ANO2: variants seen among roughly 807,000 people sequenced by gnomAD.
The protein encoded by ANO2 is anoctamin 2, also known as anoctamin-2.
In ANO2, 101 loss-of-function variants were observed where a neutral mutation model predicts 124.2. The ratio of observed to expected loss-of-function variants is 0.81; its 90% CI spans 0.69 to 0.96. The LOEUF is 0.96. Among genes scored for constraint, ANO2 ranks in the 40% least tolerant of loss-of-function variants. The pLI is 0.00. For synonymous variants in ANO2, 486 were observed against 482.5 expected (o/e 1.01, Z -0.09); for missense variants, 1,293 against 1,274.5 (o/e 1.01, Z -0.22).
chr12:5,877,575 T>A (rs1334557614), intron 3 of ANO2, among the ~76,000 whole-genome samples: 1 of 152,184 alleles, frequency 6.6e-6, no homozygotes, highest in Admixed American at 6.5e-5. Context: ...AATTATGTGA[T>A]CTTGGGCAAG....
At chr12:5,749,101 A>T (rs1471640803) in intron 11 of ANO2, among the ~76,000 whole-genome samples, 1 of 152,216 alleles carries the variant, frequency 6.6e-6, no homozygotes, top group Non-Finnish European at 1.5e-5. Context: ...TTGTGAGACC[A>T]TTTCTATAGA....
Position 5,563,344 on chromosome 12 carries a change from C to A in ANO2, c.2952G>T (p.Gln984His). The A allele has an allele frequency of 6.2e-7, 1 of 1,604,428 alleles. No homozygotes were observed. The highest frequency in any genetic ancestry group is 8.5e-7 in the Non-Finnish European group (1 of 1,176,846). Residue 984 changes from glutamine (Q) to histidine (H), a missense_variant, in exon 25 of 25, where the codon CAG (glutamine) becomes CAT (histidine). Physicochemically the swap from Gln to His is conservative, Grantham distance 24. Coordinates refer to ENST00000682330, the MANE Select transcript of ANO2 (RefSeq NM_001364791.2). ...AASSAPSGQSQLGSMMSSGSQ... is the reference protein window; with the variant it reads ...AASSAPSGQSHLGSMMSSGSQ... The stretch of plus-strand genomic sequence containing the variant: ...AGCCTGACGACATCATGCTGCCCAG[C>A]TGGCTTTGGCCTGAAGGTGCTGAGC...
At chr12:5,884,807 A>C (rs1415806735) in intron 3 of ANO2, among the ~76,000 whole-genome samples, 2 of 151,874 alleles carry the variant, frequency 1.3e-5, no homozygotes, top group Non-Finnish European at 1.5e-5. Flanking sequence ...AGGCAAACCC[A>C]CTCTCCTCCC....
chr12:5,597,899 G>A (rs368924468), intron 20 of ANO2, among the ~76,000 whole-genome samples: 4 of 152,294 alleles, frequency 2.6e-5, no homozygotes, highest in African/African-American at 9.6e-5. Flanking sequence ...GGCATAAAGG[G>A]GCTACACGTT....
chr12:5,590,594 A>G (rs1326037493), intron 20 of ANO2, among the ~76,000 whole-genome samples: 1 of 152,152 alleles, frequency 6.6e-6, no homozygotes, highest in Non-Finnish European at 1.5e-5. Context: ...TAAGCGGGAG[A>G]AGAGCCTCCT....
intron 1 of ANO2, among the ~76,000 whole-genome samples, chr12:5,939,052 A>G (rs908451256): frequency 6.6e-6 from 1 of 151,376 alleles, no homozygotes; most frequent in Admixed American, 6.6e-5. Context: ...CCCCGTCTCT[A>G]CTAAAAATAC....
chr12:5,757,517 T>C (rs972873488), intron 10 of ANO2, among the ~76,000 whole-genome samples: 6 of 152,154 alleles, frequency 3.9e-5, no homozygotes, highest in African/African-American at 1.4e-4. Flanking sequence ...AAGAGGGAAA[T>C]GAGAGCTCTG....
chr12:5,694,701 T>G (rs1949095894), intron 14 of ANO2, among the ~76,000 whole-genome samples: 1 of 152,174 alleles, frequency 6.6e-6, no homozygotes, highest in South Asian at 2.1e-4. Flanking sequence ...AAGTTTGCAG[T>G]GGAGCAAAGG....
chr12:5,858,108 G>C (rs1456769350), intron 3 of ANO2, among the ~76,000 whole-genome samples: 1 of 152,222 alleles, frequency 6.6e-6, no homozygotes, highest in East Asian at 1.9e-4. Context: ...CCAGTGTTCT[G>C]CAGCACTGCA....
At chr12:5,600,805 T>C (rs1943903820) in intron 19 of ANO2, among the ~76,000 whole-genome samples, 2 of 152,236 alleles carry the variant, frequency 1.3e-5, no homozygotes, top group South Asian at 2.1e-4. Context: ...TTGAAGTCCA[T>C]GCTTCATCTG....
intron 14 of ANO2, among the ~76,000 whole-genome samples, chr12:5,668,938 G>C (rs1947863406): frequency 6.6e-6 from 1 of 152,088 alleles, no homozygotes. Context: ...ATGGCGTTTT[G>C]GTTACTGTAG....
At chr12:5,663,306 G>A (rs991213292) in intron 14 of ANO2, among the ~76,000 whole-genome samples, 2 of 152,220 alleles carry the variant, frequency 1.3e-5, no homozygotes, top group African/African-American at 2.4e-5. Context: ...GAGGAAAAGC[G>A]GAGCCAAACA....
Position 5,769,765 on chromosome 12 carries a change from G to A in ANO2, c.1056-18795C>T, listed in dbSNP as rs1459631735. ...AGGTACTCTGCTGAATGTTTTGCAC[G>A]CATGATCCCTTAGGATCCTCACAAG... On this transcript the variant is annotated intron_variant, in intron 10 of 24. Coordinates refer to ENST00000682330, the MANE Select transcript of ANO2 (RefSeq NM_001364791.2). This position sits in a 1 kb window ranked among gnomAD's most constrained non-coding sequence, Gnocchi z 4.0. Among the ~76,000 whole-genome samples, 2 of 152,144 alleles carry A rather than the reference G, an allele frequency of 1.3e-5. No individual in the cohort carries two copies. Among genetic ancestry groups the A allele is most frequent in the South Asian group, 2.1e-4 (1 of 4,824 alleles).
At chr12:5,776,476 C>G (rs1018873919) in intron 10 of ANO2, among the ~76,000 whole-genome samples, 2 of 152,202 alleles carry the variant, frequency 1.3e-5, no homozygotes, top group Admixed American at 1.3e-4. Flanking sequence ...TTTCCAAGCA[C>G]TTGACAAATG....
intron 14 of ANO2, among the ~76,000 whole-genome samples, chr12:5,706,028 C>T (rs1028291809): frequency 2.0e-5 from 3 of 152,106 alleles, no homozygotes; most frequent in African/African-American, 7.2e-5. Context: ...GGGGGAGATT[C>T]GGGATGCCAT....
At position 5,635,861 on chromosome 12, in the gene ANO2, A is replaced by T. The variant is rs1945990329; in HGVS notation, c.1621-514T>A. Among the ~76,000 whole-genome samples, 1 of 152,186 alleles carries T rather than the reference A, an allele frequency of 6.6e-6. No individual in the cohort carries two copies. The highest frequency in any genetic ancestry group is 1.5e-5 in the Non-Finnish European group (1 of 68,024). On this transcript the variant is annotated intron_variant, in intron 15 of 24. Transcript: ENST00000682330. The surrounding 1 kb of genome is among the most constrained non-coding windows in gnomAD (Gnocchi z 5.2). ...TGGTCAGGGAATAGTTTGTGGAGAC[A>T]GTGGGATTTAAAATGGAGTTTTCAT...
intron 10 of ANO2, among the ~76,000 whole-genome samples, chr12:5,772,891 C>T (rs1419643550): frequency 6.6e-6 from 1 of 152,228 alleles, no homozygotes; most frequent in African/African-American, 2.4e-5. Context: ...TAAACACGTG[C>T]TGTCAAGAAG....
chr12:5,729,175 C>T (rs1166349236), intron 14 of ANO2, among the ~76,000 whole-genome samples: 1 of 152,078 alleles, frequency 6.6e-6, no homozygotes, highest in African/African-American at 2.4e-5. Context: ...AGACAATCTA[C>T]AGAATTAAAG....
chr12:5,863,318 G>T (rs972742544), intron 3 of ANO2, among the ~76,000 whole-genome samples: 2 of 152,152 alleles, frequency 1.3e-5, no homozygotes, highest in African/African-American at 4.8e-5. Context: ...TGTGACTCAG[G>T]CTTCTCTAGG....
Sources: gnomAD v4.1 joint callset for allele counts (sites outside exome capture counted in the v4.1 genomes callset) on GRCh38, gnomAD v4.1.1 for gene constraint, Gnocchi (gnomAD v3.1) non-coding constraint, MANE v1.5 for transcripts, NCBI Gene and HGNC (gene_info 2026-07-23, HGNC 2026-07-21) for gene names.